The following MAP3K21 variants were observed in gnomAD, a reference collection of about 807,000 sequenced individuals.
The protein encoded by MAP3K21 is mitogen-activated protein kinase kinase kinase MLK4.
In MAP3K21, 63 loss-of-function variants were observed where a neutral mutation model predicts 86.1. The observed-to-expected ratio is 0.73, with a 90% confidence interval of 0.60 to 0.90. MAP3K21 has a LOEUF of 0.90. MAP3K21 is among the 40% of genes least tolerant of loss of function. MAP3K21 has a pLI of 0.00. For missense variants in MAP3K21, 1,220 were observed against 1,367.7 expected (o/e 0.89, Z 1.70); for synonymous variants, 558 against 564.8 (o/e 0.99, Z 0.17).
chr1:233,350,183 T>C (rs992031369), intron 2 of MAP3K21, among the ~76,000 whole-genome samples: 6 of 152,172 alleles, frequency 3.9e-5, no homozygotes, highest in Admixed American at 3.9e-4. Flanking sequence ...TAATACAATG[T>C]GAATGTGGTG....
chr1:233,334,801 T>C (rs776198104), intron 1 of MAP3K21, among the ~76,000 whole-genome samples: 1 of 152,206 alleles, frequency 6.6e-6, no homozygotes, highest in Non-Finnish European at 1.5e-5. Flanking sequence ...ATGACTGTAC[T>C]ATCATAGATT....
chr1:233,367,824 A>G (rs999040161), intron 5 of MAP3K21, among the ~76,000 whole-genome samples: 1 of 149,058 alleles, frequency 6.7e-6, no homozygotes, highest in Non-Finnish European at 1.5e-5. Context: ...TCGCCACTGC[A>G]CTCCAGCCTG....
At chr1:233,340,133 T>C (rs1663012571) in intron 1 of MAP3K21, among the ~76,000 whole-genome samples, 1 of 152,182 alleles carries the variant, frequency 6.6e-6, no homozygotes, top group African/African-American at 2.4e-5. Context: ...TGTATTAGAA[T>C]GCAGAGAAGT....
chr1:233,379,735 G>A, intron 9 of MAP3K21, 25 bp downstream of exon 9: 2 of 1,545,878 alleles, frequency 1.3e-6, no homozygotes, highest in Non-Finnish European at 1.8e-6. Flanking sequence ...TTAGGTAAAA[G>A]CATAAAACAC....
At chr1:233,350,835 G>T (rs1332813006) in intron 2 of MAP3K21, among the ~76,000 whole-genome samples, 2 of 152,170 alleles carry the variant, frequency 1.3e-5, no homozygotes, top group African/African-American at 4.8e-5. Context: ...TCTCAGGAGA[G>T]CGTTTCATTA....
At chr1:233,364,482 G>A (rs1409011469) in intron 5 of MAP3K21, among the ~76,000 whole-genome samples, 1 of 152,150 alleles carries the variant, frequency 6.6e-6, no homozygotes, top group Non-Finnish European at 1.5e-5. Context: ...TGATGGAAAG[G>A]GAAGTAAATT....
chr1:233,333,541 G>A (rs1483044856), intron 1 of MAP3K21, among the ~76,000 whole-genome samples: 1 of 151,832 alleles, frequency 6.6e-6, no homozygotes, highest in Non-Finnish European at 1.5e-5. Flanking sequence ...TTGAGCCCAG[G>A]AGTTTGAGAC....
chr1:233,362,913 A>T (rs1034669676), intron 5 of MAP3K21, among the ~76,000 whole-genome samples: 1 of 152,196 alleles, frequency 6.6e-6, no homozygotes, highest in Non-Finnish European at 1.5e-5. Flanking sequence ...TAAAGGGAAT[A>T]GAAAATATAT....
At chr1:233,346,761 T>C in intron 2 of MAP3K21, 139 bp downstream of exon 2, 1 of 736,900 alleles carries the variant, frequency 1.4e-6, no homozygotes, top group Non-Finnish European at 2.2e-6. Flanking sequence ...ATCAAAATAA[T>C]TGTAATGACA....
intron 1 of MAP3K21, among the ~76,000 whole-genome samples, chr1:233,340,445 G>A (rs1663020341): frequency 6.6e-6 from 1 of 152,158 alleles, no homozygotes; most frequent in African/African-American, 2.4e-5. Flanking sequence ...AGAATTGTTA[G>A]AATATAGGGT....
In MAP3K21 at chr1:233,382,297, T is replaced by C. The variant is rs1158967677; in HGVS notation, c.2705-8T>C. On this transcript the variant is annotated splice_polypyrimidine_tract_variant and splice_region_variant and intron_variant, in intron 9 of 9. Transcript: ENST00000366624. ...CTAACTGCATACTGTTTTGGCTTTC[T>C]CAACCAGCTGGTGCAACTATTATCT... The C allele has an allele frequency of 1.2e-6, 2 of 1,603,664 alleles. No individual in the cohort carries two copies. Among genetic ancestry groups the C allele is most frequent in the Non-Finnish European group, 1.7e-6 (2 of 1,172,254 alleles).
chr1:233,372,299 G>C, intron 6 of MAP3K21, 139 bp downstream of exon 6: 1 of 961,222 alleles, frequency 1.0e-6, no homozygotes, highest in Non-Finnish European at 1.5e-6. Flanking sequence ...ACAACTATTT[G>C]AGAAACAAAA....
chr1:233,328,500 G>A lies in MAP3K21; in HGVS notation c.472G>A (p.Glu158Lys). The change falls in exon 1 of 10, where the codon GAG (glutamate) becomes AAG (lysine). Residue 158 changes from glutamate to lysine, a missense_variant. Around this residue, in one of 5 missense-constraint regions of MAP3K21, gnomAD observed 369 missense variants for 385.3 expected, o/e 0.96. Transcript: ENST00000366624. This position sits in a 1 kb window ranked among gnomAD's most constrained non-coding sequence, Gnocchi z 8.7. ...CGTGAAGGCGGCGCGCCAGGACCCGGAGCAGGACGCGGCGGCGGCTGCCGA... is the reference window on the plus strand; with the variant it reads ...CGTGAAGGCGGCGCGCCAGGACCCGAAGCAGGACGCGGCGGCGGCTGCCGA... ...VAVKAARQDP[E>K]QDAAAAAESV... The A allele has an allele frequency of 6.6e-7, 1 of 1,522,446 alleles. No individual in the cohort carries two copies. The highest frequency in any genetic ancestry group is 8.7e-7 in the Non-Finnish European group (1 of 1,145,274). 94.3% of individuals were successfully genotyped at this position (1,522,446 alleles called of 1,614,324 possible).
At chr1:233,336,996 T>C (rs1398109641) in intron 1 of MAP3K21, among the ~76,000 whole-genome samples, 1 of 152,246 alleles carries the variant, frequency 6.6e-6, no homozygotes, top group Non-Finnish European at 1.5e-5. Context: ...CGTTTGTTCC[T>C]TTCACATTGG....
chr1:233,341,374 A>G (rs1038649296), intron 1 of MAP3K21, among the ~76,000 whole-genome samples: 6 of 152,168 alleles, frequency 3.9e-5, no homozygotes, highest in Non-Finnish European at 8.8e-5. Context: ...ACTTTGTCCA[A>G]AAGATATGGA....
chr1:233,339,343 C>CT (rs1662985734), intron 1 of MAP3K21, among the ~76,000 whole-genome samples: 4 of 89,106 alleles, frequency 4.5e-5, no homozygotes, highest in East Asian at 3.9e-4. Flanking sequence ...CTTCTTCTCC[C>CT]TCTTCTCCCT....
At chr1:233,350,135 G>A (rs966176594) in intron 2 of MAP3K21, among the ~76,000 whole-genome samples, 1 of 151,932 alleles carries the variant, frequency 6.6e-6, no homozygotes, top group Non-Finnish European at 1.5e-5. Flanking sequence ...ACATCCTCCC[G>A]TGTACTTTAA....
chr1:233,368,988 G>C (rs1329139920), intron 5 of MAP3K21, among the ~76,000 whole-genome samples: 2 of 152,188 alleles, frequency 1.3e-5, no homozygotes, highest in African/African-American at 4.8e-5. Context: ...CATGGAGACT[G>C]TCATGGTCAC....
intron 5 of MAP3K21, among the ~76,000 whole-genome samples, chr1:233,367,907 A>T (rs527708723): frequency 6.6e-6 from 1 of 151,990 alleles, no homozygotes; most frequent in Non-Finnish European, 1.5e-5. Context: ...AACATAAAGT[A>T]TGCTTTTCAA....
Sources: allele counts gnomAD v4.1 joint callset (sites outside exome capture counted in the v4.1 genomes callset), GRCh38; gene constraint gnomAD v4.1.1; regional missense constraint gnomAD v4.1.1; non-coding constraint Gnocchi (gnomAD v3.1); transcripts MANE v1.5; gene names NCBI Gene and HGNC (gene_info 2026-07-23, HGNC 2026-07-21).